Variants in THSD7B observed in about 807,000 individuals in gnomAD.
THSD7B encodes the protein thrombospondin type 1 domain containing 7B, also known as thrombospondin type-1 domain-containing protein 7B.
THSD7B carries 138 observed loss-of-function variants against 213.6 expected under a neutral mutation model. The observed-to-expected ratio is 0.65, with a 90% CI of 0.56 to 0.74. THSD7B has a LOEUF of 0.74. THSD7B is among the 30% of genes least tolerant of loss of function. The pLI, the probability that THSD7B is intolerant of heterozygous loss-of-function variation, is 0.00. For synonymous variants in THSD7B, 742 were observed against 687.0 expected (o/e 1.08, Z -1.25); for missense variants, 1,931 against 1,991.5 (o/e 0.97, Z 0.58).
At chr2:137,291,746 T>A (rs1683344338) in intron 12 of THSD7B, among the ~76,000 whole-genome samples, 1 of 152,114 alleles carries the variant, frequency 6.6e-6, no homozygotes, top group Non-Finnish European at 1.5e-5. Flanking sequence ...ATATTTCTAG[T>A]GAAATAAGAA....
chr2:137,313,390 C>T (rs1360799076), intron 12 of THSD7B, among the ~76,000 whole-genome samples: 1 of 151,906 alleles, frequency 6.6e-6, no homozygotes, highest in East Asian at 1.9e-4. Flanking sequence ...TTATTTTGAG[C>T]CTATGTGTGT....
chr2:136,832,455 C>T (rs184938611), intron 1 of THSD7B, among the ~76,000 whole-genome samples: 98 of 152,194 alleles, frequency 6.4e-4, no homozygotes, highest in Admixed American at 4.3e-3. Flanking sequence ...GCCTTTTCTT[C>T]TATTCAAGAC....
rs1282968893 is a variant in THSD7B, at chr2:137,404,462, T to TAC, written c.2501-1150_2501-1149insCA. ...ATATATATATATATATATATATATA[T>TAC]ATATATATATATACACACACACACA... is the stretch of plus-strand genomic sequence containing the variant. On this transcript the variant is annotated intron_variant, in intron 12 of 27. Coordinates refer to ENST00000409968, the MANE Select transcript of THSD7B (RefSeq NM_001316349.2). Among the ~76,000 whole-genome samples the TAC allele has an allele frequency of 2.0e-3, 161 of 81,886 alleles. 1 individual carries two copies. Among genetic ancestry groups the TAC allele is most frequent in the East Asian group, 5.5e-3 (13 of 2,382 alleles). The allele number at this position is 81,886 out of a possible 152,430, so 53.7% of individuals were successfully genotyped here.
chr2:137,324,746 C>T (rs1454879886), intron 12 of THSD7B, among the ~76,000 whole-genome samples: 1 of 152,048 alleles, frequency 6.6e-6, no homozygotes, highest in Non-Finnish European at 1.5e-5. Flanking sequence ...AAGGGGAATG[C>T]TAATCAAATC....
intron 9 of THSD7B, among the ~76,000 whole-genome samples, chr2:137,240,758 T>C (rs1192090725): frequency 6.6e-6 from 1 of 152,160 alleles, no homozygotes; most frequent in Non-Finnish European, 1.5e-5. Context: ...CAAGCAATAC[T>C]CTTGCCTCGG....
Position 137,276,003 on chromosome 2 carries a change from G to A in THSD7B, c.2477G>A (p.Cys826Tyr), listed in dbSNP as rs199935449. The change falls in exon 12 of 28, where the codon TGT (cysteine) becomes TAT (tyrosine). Residue 826 changes from cysteine (C) to tyrosine (Y), a missense_variant. Cys to Tyr is a radical substitution (Grantham distance 194). Transcript: ENST00000409968. Reference sequence around the variant, plus strand: ...GGAATAACGGGCAGCAGTGAAGCCTGTGGAAAGGGGTTACAAACAAGAGGT... The same window carrying A: ...GGAATAACGGGCAGCAGTGAAGCCTATGGAAAGGGGTTACAAACAAGAGGT... ...WQGITGSSEACGKGLQTRAVS... is the reference protein window; with the variant it reads ...WQGITGSSEAYGKGLQTRAVS... 1.7e-5 allele frequency: 28 copies of A among 1,611,644 alleles called. No individual in the cohort carries two copies. Among genetic ancestry groups the A allele is most frequent in the Non-Finnish European group, 2.3e-5 (27 of 1,178,726 alleles).
chr2:137,538,462 G>A (rs776539776), intron 15 of THSD7B: 1 of 514,512 alleles, frequency 1.9e-6, no homozygotes, highest in African/African-American at 1.9e-5. Flanking sequence ...TGCTTATCAT[G>A]CACTGCTAAC....
At position 137,342,286 on chromosome 2, in the gene THSD7B, A is replaced by AT. The variant is rs943042797; in HGVS notation, c.2501-63318dup. Among the ~76,000 whole-genome samples the AT allele has an allele frequency of 3.9e-3, 581 of 149,858 alleles. 5 individuals are homozygous for AT. Among genetic ancestry groups the AT allele is most frequent in the African/African-American group, 0.013 (534 of 40,872 alleles). On this transcript the variant is annotated intron_variant, in intron 12 of 27. Coordinates refer to ENST00000409968, the MANE Select transcript of THSD7B (RefSeq NM_001316349.2). ...TATTGCAAATGAGATTGTCCTCTTG[A>AT]TTTTTTTTTCCCAGACAGTTTATTG... is the stretch of plus-strand genomic sequence containing the variant.
intron 12 of THSD7B, among the ~76,000 whole-genome samples, chr2:137,321,215 G>C (rs549867843): frequency 6.6e-6 from 1 of 152,166 alleles, no homozygotes; most frequent in Non-Finnish European, 1.5e-5. Context: ...ATATGCTGTA[G>C]TTTAGAGTAT....
chr2:137,125,819 A>G (rs1344589469), intron 5 of THSD7B, among the ~76,000 whole-genome samples: 1 of 152,220 alleles, frequency 6.6e-6, no homozygotes, highest in Non-Finnish European at 1.5e-5. Context: ...GAAAGTTAAA[A>G]TTCCTCCTTG....
chr2:136,881,355 C>T (rs560367942), intron 1 of THSD7B, among the ~76,000 whole-genome samples: 1 of 152,260 alleles, frequency 6.6e-6, no homozygotes, highest in East Asian at 1.9e-4. Flanking sequence ...TACAAGGTAT[C>T]TGCCAACTCT....
At chr2:136,790,676 G>T (rs549964177) in intron 1 of THSD7B, among the ~76,000 whole-genome samples, 1 of 152,180 alleles carries the variant, frequency 6.6e-6, no homozygotes, top group Non-Finnish European at 1.5e-5. Flanking sequence ...TTAGCATATT[G>T]GGGGTAGTAA....
At chr2:137,063,667 C>G (rs542003267) in intron 3 of THSD7B, among the ~76,000 whole-genome samples, 1 of 152,052 alleles carries the variant, frequency 6.6e-6, no homozygotes, top group South Asian at 2.1e-4. Context: ...CCATTTTCCC[C>G]AATCACCACT....
At chr2:136,882,405 G>T (rs1683641508) in intron 2 of THSD7B, 88 bp downstream of exon 2, 2 of 1,296,516 alleles carry the variant, frequency 1.5e-6, no homozygotes, top group African/African-American at 1.6e-5. Context: ...TTCTAAAGTA[G>T]TGGGAAATAT....
At chr2:137,449,777 G>C (rs911172287) in intron 14 of THSD7B, among the ~76,000 whole-genome samples, 1 of 152,090 alleles carries the variant, frequency 6.6e-6, no homozygotes, top group Non-Finnish European at 1.5e-5. Flanking sequence ...CCTCTTTTAA[G>C]GCTTTTCACC....
intron 17 of THSD7B, among the ~76,000 whole-genome samples, chr2:137,597,510 C>A: frequency 6.7e-6 from 1 of 149,816 alleles, no homozygotes; most frequent in Non-Finnish European, 1.5e-5. Flanking sequence ...AATATCACTA[C>A]AATAAAATTT....
intron 7 of THSD7B, among the ~76,000 whole-genome samples, chr2:137,203,708 GTGTGTT>G (rs1680924218): frequency 6.6e-6 from 1 of 152,044 alleles, no homozygotes; most frequent in African/African-American, 2.4e-5. Flanking sequence ...GGAATGAAGG[GTGTGTT>G]TGTGTATGTG....
At chr2:136,861,043 G>T (rs1456499889) in intron 1 of THSD7B, among the ~76,000 whole-genome samples, 3 of 152,238 alleles carry the variant, frequency 2.0e-5, no homozygotes, top group Non-Finnish European at 4.4e-5. Context: ...TGCATTCTTA[G>T]CACAAGGACA....
At chr2:137,058,363 T>A (rs1245829318) in intron 3 of THSD7B, among the ~76,000 whole-genome samples, 4 of 152,296 alleles carry the variant, frequency 2.6e-5, no homozygotes, top group Non-Finnish European at 1.5e-5. Context: ...GTAAATACAT[T>A]GTTTTCTTAA....
Sources: allele counts gnomAD v4.1 joint callset (sites outside exome capture counted in the v4.1 genomes callset), GRCh38; gene constraint gnomAD v4.1.1; transcripts MANE v1.5; gene names NCBI Gene and HGNC (gene_info 2026-07-23, HGNC 2026-07-21).